The following PKNOX2 variants were observed in gnomAD, a reference collection of about 807,000 sequenced individuals.
PKNOX2 encodes the protein PBX/knotted 1 homeobox 2.
Under a neutral mutation model 53.1 loss-of-function variants are expected in PKNOX2, and 14 were observed. That is an observed-to-expected ratio of 0.26 (90% CI 0.17 to 0.41). The LOEUF is 0.41. Ranked by LOEUF, PKNOX2 falls within the 10% of genes least tolerant of loss-of-function variation. The pLI is 1.00. For missense variants in PKNOX2, 496 were observed against 602.8 expected, an observed-to-expected ratio of 0.82 and a Z score of 1.85; for synonymous variants, 257 against 242.8, an observed-to-expected ratio of 1.06 and a Z score of -0.54.
At position 125,429,068 on chromosome 11, in the gene PKNOX2, C is replaced by T; in HGVS notation, c.993C>T (p.Thr331=). ...KRQIAAQTNL[T]LLQVNNWFIN... is the part of the protein sequence containing the mutation. ...AGATCGCAGCCCAGACCAACCTCAC[C>T]CTCCTGCAAGTAAACAACTGGTGAG... The change falls in exon 11 of 13, where the codon ACC becomes ACT. Residue 331 remains threonine, a synonymous_variant. Transcript: ENST00000298282. 1 of 1,613,420 alleles carries T rather than the reference C, an allele frequency of 6.2e-7. No individual in the cohort carries two copies. Among genetic ancestry groups the T allele is most frequent in the Non-Finnish European group, 8.5e-7 (1 of 1,179,370 alleles).
At chr11:125,419,851 C>A (rs956711753) in intron 10 of PKNOX2, among the ~76,000 whole-genome samples, 2 of 144,452 alleles carry the variant, frequency 1.4e-5, no homozygotes, top group East Asian at 2.0e-4. Flanking sequence ...AGCAACATAG[C>A]GAGACCTCAT....
rs571235837 is a variant in PKNOX2, at chr11:125,315,321, A to C, written c.-129-16498A>C. 9.5e-3 allele frequency among the ~76,000 whole-genome samples: 1,435 copies of C among 150,832 alleles called. 12 individuals carry two copies. Among genetic ancestry groups the C allele is most frequent in the Non-Finnish European group, 0.015 (1,011 of 67,850 alleles). The stretch of plus-strand genomic sequence containing the variant: ...GAAGCAGGAAAAAAAAAAAAAAAAA[A>C]AAAAAAACACCTCTCTCTGCATTAA... On this transcript the variant is annotated intron_variant, in intron 2 of 12. Coordinates refer to ENST00000298282, the MANE Select transcript of PKNOX2 (RefSeq NM_001382323.2).
chr11:125,171,085 C>G (rs1955283240), intron 1 of PKNOX2, among the ~76,000 whole-genome samples: 1 of 152,148 alleles, frequency 6.6e-6, no homozygotes, highest in South Asian at 2.1e-4. Context: ...AGGACGTAGT[C>G]TTTTGTGTTC....
chr11:125,276,662 G>C (rs1215679574), intron 2 of PKNOX2, among the ~76,000 whole-genome samples: 2 of 152,200 alleles, frequency 1.3e-5, no homozygotes, highest in Non-Finnish European at 2.9e-5. Context: ...CATCAACTGA[G>C]AGTGGGGTGG....
Position 125,248,941 on chromosome 11 carries a change from C to T in PKNOX2, c.-130+13826C>T, listed in dbSNP as rs529233596. 1.5e-3 allele frequency among the ~76,000 whole-genome samples: 182 copies of T among 118,228 alleles called. 1 individual carries two copies. The highest frequency in any genetic ancestry group is 4.9e-3 in the African/African-American group (150 of 30,482). 77.6% of individuals were successfully genotyped at this position (118,228 alleles called of 152,430 possible). On this transcript the variant is annotated intron_variant, in intron 2 of 12. Transcript: ENST00000298282. ...AACATATATAATATACATTATATAA[C>T]GTATATACATGTATATATACATACA...
chr11:125,366,526 G>C (rs541493619), intron 4 of PKNOX2, among the ~76,000 whole-genome samples: 84 of 152,238 alleles, frequency 5.5e-4, no homozygotes, highest in Non-Finnish European at 1.1e-3. Flanking sequence ...GTTTTAGCTG[G>C]GAGTGAAGAG....
At chr11:125,399,598 AT>A (rs1237685748) in intron 7 of PKNOX2, among the ~76,000 whole-genome samples, 5 of 152,136 alleles carry the variant, frequency 3.3e-5, no homozygotes, top group African/African-American at 9.7e-5. Context: ...GCTATTGTGA[AT>A]TTTTTTTAAG....
At chr11:125,404,692 C>T (rs899851913) in intron 7 of PKNOX2, among the ~76,000 whole-genome samples, 4 of 152,200 alleles carry the variant, frequency 2.6e-5, no homozygotes, top group Non-Finnish European at 5.9e-5. Flanking sequence ...CAAAGTCAGA[C>T]CACACATGTA....
intron 2 of PKNOX2, among the ~76,000 whole-genome samples, chr11:125,324,155 G>C (rs1949696161): frequency 6.6e-6 from 1 of 152,094 alleles, no homozygotes; most frequent in South Asian, 2.1e-4. Context: ...AACAGAAGCA[G>C]CTCACCCTCT....
At chr11:125,186,024 T>C (rs1213985957) in intron 1 of PKNOX2, among the ~76,000 whole-genome samples, 1 of 150,732 alleles carries the variant, frequency 6.6e-6, no homozygotes, top group Non-Finnish European at 1.5e-5. Context: ...TTTTTTCACA[T>C]GCTGACCAAC....
At chr11:125,296,587 C>T (rs1947673001) in intron 2 of PKNOX2, among the ~76,000 whole-genome samples, 1 of 152,184 alleles carries the variant, frequency 6.6e-6, no homozygotes, top group Admixed American at 6.5e-5. Flanking sequence ...GCTTATTTTT[C>T]TCCATGCGTC....
At chr11:125,229,210 C>A (rs1038065738) in intron 1 of PKNOX2, among the ~76,000 whole-genome samples, 1 of 152,154 alleles carries the variant, frequency 6.6e-6, no homozygotes, top group Non-Finnish European at 1.5e-5. Flanking sequence ...ACCTTGAACC[C>A]GATACTGCTC....
At chr11:125,421,312 G>A (rs1366551373) in intron 10 of PKNOX2, among the ~76,000 whole-genome samples, 3 of 152,304 alleles carry the variant, frequency 2.0e-5, no homozygotes, top group Middle Eastern at 3.4e-3. Context: ...TTCAGAGGGG[G>A]CAGGCAGGAT....
intron 4 of PKNOX2, among the ~76,000 whole-genome samples, chr11:125,356,128 G>C (rs184069779): frequency 1.3e-5 from 2 of 151,220 alleles, no homozygotes; most frequent in African/African-American, 4.9e-5. Flanking sequence ...ATTGTATCTG[G>C]TCTATTTGAG....
chr11:125,346,408 G>A (rs1003790110), intron 3 of PKNOX2, among the ~76,000 whole-genome samples: 4 of 152,166 alleles, frequency 2.6e-5, no homozygotes, highest in African/African-American at 9.7e-5. Flanking sequence ...CGAATGTTCT[G>A]GGGAAATCCC....
chr11:125,217,575 G>A (rs1360287613), intron 1 of PKNOX2, among the ~76,000 whole-genome samples: 1 of 152,196 alleles, frequency 6.6e-6, no homozygotes, highest in Non-Finnish European at 1.5e-5. Context: ...GGGCACACAG[G>A]AAGTGTCAGT....
At chr11:125,241,368 G>C (rs769028403) in intron 2 of PKNOX2, among the ~76,000 whole-genome samples, 1 of 152,142 alleles carries the variant, frequency 6.6e-6, no homozygotes, top group Non-Finnish European at 1.5e-5. Flanking sequence ...TATCTCCTCT[G>C]TGACTTCCTC....
At chr11:125,308,090 T>C (rs1003895066) in intron 2 of PKNOX2, among the ~76,000 whole-genome samples, 5 of 152,182 alleles carry the variant, frequency 3.3e-5, no homozygotes, top group African/African-American at 1.2e-4. Context: ...CCCACAGATA[T>C]TTAATTTGTG....
At chr11:125,302,598 G>A (rs906741732) in intron 2 of PKNOX2, among the ~76,000 whole-genome samples, 10 of 152,200 alleles carry the variant, frequency 6.6e-5, no homozygotes, top group Admixed American at 4.6e-4. Flanking sequence ...GATTGAGTCA[G>A]GCCCTCCAGA....
Sources: gnomAD v4.1 joint callset for allele counts (sites outside exome capture counted in the v4.1 genomes callset) on GRCh38, gnomAD v4.1.1 for gene constraint, MANE v1.5 for transcripts, NCBI Gene and HGNC (gene_info 2026-07-23, HGNC 2026-07-21) for gene names.